SLC1A1: variants seen among roughly 807,000 people sequenced by gnomAD.
SLC1A1 encodes the protein solute carrier family 1 member 1.
Under a neutral mutation model 53.3 loss-of-function variants are expected in SLC1A1, and 43 were observed. That is an observed-to-expected ratio of 0.81 (90% CI 0.63 to 1.04). SLC1A1 has a LOEUF of 1.04. Ranked by LOEUF, SLC1A1 falls within the 50% of genes least tolerant of loss-of-function variation. The pLI is 0.00. For synonymous variants in SLC1A1, 307 were observed against 243.2 expected, an observed-to-expected ratio of 1.26 and a Z score of -2.44; for missense variants, 748 against 664.9, an observed-to-expected ratio of 1.12 and a Z score of -1.37.
chr9:4,507,726 G>A lies in SLC1A1; in HGVS notation c.91+16956G>A, dbSNP rs540407163. The stretch of plus-strand genomic sequence containing the variant: ...ACTTCGACTTAGCATTCTGAGTTCA[G>A]AGTTCGCCCAGGAGTTCCAGGCTTG... On this transcript the variant is annotated intron_variant, in intron 1 of 11. Transcript: ENST00000262352. Among the ~76,000 whole-genome samples the A allele has an allele frequency of 7.2e-5, 11 of 152,280 alleles. No individual in the cohort carries two copies. The South Asian group carries it at 2.1e-3, about 29-fold the overall frequency.
chr9:4,498,988 TTA>T (rs1264356591), intron 1 of SLC1A1, among the ~76,000 whole-genome samples: 1 of 136,308 alleles, frequency 7.3e-6, no homozygotes, highest in African/African-American at 3.2e-5. Flanking sequence ...ATCTTATATA[TTA>T]TATATAAGAT....
intron 1 of SLC1A1, among the ~76,000 whole-genome samples, chr9:4,509,327 C>T (rs888456937): frequency 6.6e-6 from 1 of 152,050 alleles, no homozygotes; most frequent in Non-Finnish European, 1.5e-5. Context: ...TTTCACTGAG[C>T]AGAATTGAAT....
chr9:4,538,939 A>C (rs1458911305), intron 1 of SLC1A1, among the ~76,000 whole-genome samples: 1 of 152,252 alleles, frequency 6.6e-6, no homozygotes, highest in Non-Finnish European at 1.5e-5. Context: ...TAGCTCCCAA[A>C]GGGCAAAAAG....
intron 1 of SLC1A1, among the ~76,000 whole-genome samples, chr9:4,496,803 G>C (rs935142009): frequency 1.3e-5 from 2 of 152,124 alleles, no homozygotes; most frequent in African/African-American, 4.8e-5. Flanking sequence ...AGGCTGATGT[G>C]GGAAGATCAC....
At chr9:4,570,915 T>TAA (rs111620181) in intron 6 of SLC1A1, among the ~76,000 whole-genome samples, 4 of 140,978 alleles carry the variant, frequency 2.8e-5, no homozygotes, top group African/African-American at 1.0e-4. Flanking sequence ...CCTGTCTGTT[T>TAA]AAAAAAAAAA....
intron 1 of SLC1A1, among the ~76,000 whole-genome samples, chr9:4,529,759 G>T (rs181813314): frequency 1.1e-3 from 169 of 152,072 alleles, no homozygotes; most frequent in African/African-American, 3.9e-3. Context: ...CAAATTCCTG[G>T]GCTCCCACCT....
chr9:4,562,252 T>A (rs946674183), intron 3 of SLC1A1, among the ~76,000 whole-genome samples: 2 of 149,774 alleles, frequency 1.3e-5, no homozygotes, highest in Non-Finnish European at 3.0e-5. Flanking sequence ...TTGTATTTTT[T>A]AAATAGAGAC....
At chr9:4,581,838 C>T (rs2129864181) in intron 10 of SLC1A1, among the ~76,000 whole-genome samples, 1 of 152,270 alleles carries the variant, frequency 6.6e-6, no homozygotes, top group Admixed American at 6.5e-5. Flanking sequence ...AAAACTCTGG[C>T]CTGTGTTTGA....
At chr9:4,525,527 G>T (rs1271026145) in intron 1 of SLC1A1, among the ~76,000 whole-genome samples, 1 of 152,072 alleles carries the variant, frequency 6.6e-6, no homozygotes, top group Non-Finnish European at 1.5e-5. Context: ...CCCAGTAGGA[G>T]AATAGGTATC....
intron 1 of SLC1A1, among the ~76,000 whole-genome samples, chr9:4,536,124 A>G (rs1440443760): frequency 6.6e-6 from 1 of 152,210 alleles, no homozygotes; most frequent in Non-Finnish European, 1.5e-5. Flanking sequence ...CATTCAGGAC[A>G]TCGGCATGGG....
Position 4,561,369 on chromosome 9 carries a change from C to T in SLC1A1, c.233-80C>T, listed in dbSNP as rs550172512. On this transcript the variant is annotated intron_variant, in intron 2 of 11. Transcript: ENST00000262352. ...GAGAACGCCTCTCAGCTCTTTATTT[C>T]ACAACCTGAGGATTAAATCGCGGGT... The T allele has an allele frequency of 2.5e-4, 218 of 888,486 alleles. 1 individual carries two copies. Among genetic ancestry groups the T allele is most frequent in the South Asian group, 1.9e-3 (149 of 76,752 alleles). 55.0% of individuals were successfully genotyped at this position (888,486 alleles called of 1,614,324 possible).
chr9:4,555,328 T>C (rs916836574), intron 2 of SLC1A1, among the ~76,000 whole-genome samples: 1 of 152,218 alleles, frequency 6.6e-6, no homozygotes, highest in African/African-American at 2.4e-5. Flanking sequence ...TTTTGATACC[T>C]TAACAGCAAT....
chr9:4,582,426 TAA>T (rs891238087), intron 10 of SLC1A1, among the ~76,000 whole-genome samples: 1 of 152,134 alleles, frequency 6.6e-6, no homozygotes, highest in African/African-American at 2.4e-5. Context: ...TTCCCAGAGG[TAA>T]AGAGTCCTGT....
chr9:4,538,329 A>G (rs1816752516), intron 1 of SLC1A1, among the ~76,000 whole-genome samples: 1 of 152,256 alleles, frequency 6.6e-6, no homozygotes, highest in African/African-American at 2.4e-5. Context: ...GGTGACAGTT[A>G]GGTAAGAGAC....
intron 1 of SLC1A1, among the ~76,000 whole-genome samples, chr9:4,540,048 A>G (rs1334504935): frequency 6.6e-6 from 1 of 152,052 alleles, no homozygotes; most frequent in African/African-American, 2.4e-5. Context: ...CTTTTCCAAA[A>G]CCACCCATGG....
intron 1 of SLC1A1, among the ~76,000 whole-genome samples, chr9:4,526,951 A>G (rs1450449835): frequency 6.6e-6 from 1 of 152,140 alleles, no homozygotes; most frequent in African/African-American, 2.4e-5. Flanking sequence ...ACTTTTGCAA[A>G]TGTAATTAAA....
chr9:4,509,063 G>C (rs1162688383), intron 1 of SLC1A1, among the ~76,000 whole-genome samples: 1 of 152,168 alleles, frequency 6.6e-6, no homozygotes, highest in Non-Finnish European at 1.5e-5. Flanking sequence ...TTCTGGAGGA[G>C]GTGGCTTTTT....
chr9:4,565,916 T>A (rs916261890), intron 4 of SLC1A1, 131 bp from the exon 5 acceptor site: 39 of 773,612 alleles, frequency 5.0e-5, no homozygotes, highest in Admixed American at 3.2e-4. Flanking sequence ...AAGGAAGTAT[T>A]ACGCAAAGCA....
intron 3 of SLC1A1, among the ~76,000 whole-genome samples, chr9:4,562,514 A>C (rs1819053619): frequency 6.6e-6 from 1 of 152,240 alleles, no homozygotes; most frequent in Admixed American, 6.5e-5. Context: ...TGTTAAGGAT[A>C]AATCCCACTT....
Sources: gnomAD v4.1 joint callset for allele counts (sites outside exome capture counted in the v4.1 genomes callset) on GRCh38, gnomAD v4.1.1 for gene constraint, MANE v1.5 for transcripts, NCBI Gene and HGNC (gene_info 2026-07-23, HGNC 2026-07-21) for gene names.